The following FGF12 variants were observed in gnomAD, a reference collection of about 807,000 sequenced individuals.
FGF12 encodes the protein fibroblast growth factor 12.
In FGF12, 14 loss-of-function variants were observed where a neutral mutation model predicts 23.6. The ratio of observed to expected loss-of-function variants is 0.59; its 90% CI spans 0.39 to 0.93. The LOEUF is 0.93. Among genes scored for constraint, FGF12 ranks in the 40% least tolerant of loss-of-function variants. The probability of loss-of-function intolerance (pLI) is 0.00; values close to 1 mark genes in which losing one functional copy is unlikely to be tolerated. For missense variants in FGF12, 175 were observed against 217.8 expected (o/e 0.80, Z 1.24); for synonymous variants, 62 against 77.3 (o/e 0.80, Z 1.04).
intron 4 of FGF12, among the ~76,000 whole-genome samples, chr3:192,217,502 G>A (rs1718250805): frequency 6.6e-6 from 1 of 152,136 alleles, no homozygotes; most frequent in Admixed American, 6.5e-5. Context: ...AGAGAGCAAA[G>A]AGGAACGTAG....
chr3:192,368,755 G>A (rs900773760), intron 2 of FGF12, among the ~76,000 whole-genome samples: 3 of 151,836 alleles, frequency 2.0e-5, no homozygotes, highest in Admixed American at 6.6e-5. Flanking sequence ...CTGCTTTCAT[G>A]CTACAACAAC....
At chr3:192,618,320 C>T (rs561108708) in intron 2 of FGF12, among the ~76,000 whole-genome samples, 1 of 151,944 alleles carries the variant, frequency 6.6e-6, no homozygotes, top group South Asian at 2.1e-4. Flanking sequence ...AATTGCATTC[C>T]AAACTGGTAC....
intron 2 of FGF12, among the ~76,000 whole-genome samples, chr3:192,647,724 C>T (rs1234366146): frequency 6.9e-6 from 1 of 144,320 alleles, no homozygotes; most frequent in Admixed American, 6.9e-5. Context: ...TATATATATA[C>T]ACATATATAC....
chr3:192,163,711 C>T (rs967801626), intron 5 of FGF12, among the ~76,000 whole-genome samples: 2 of 152,144 alleles, frequency 1.3e-5, no homozygotes, highest in East Asian at 1.9e-4. Context: ...GGTTCTGGTA[C>T]TGATGTTTGG....
At chr3:192,655,745 G>T (rs1340870423) in intron 2 of FGF12, among the ~76,000 whole-genome samples, 1 of 152,130 alleles carries the variant, frequency 6.6e-6, no homozygotes, top group Admixed American at 6.5e-5. Context: ...TGGCCTAGAA[G>T]AAGAAGATGA....
At chr3:192,534,634 T>G (rs547179474) in intron 2 of FGF12, among the ~76,000 whole-genome samples, 6 of 152,214 alleles carry the variant, frequency 3.9e-5, no homozygotes, top group African/African-American at 1.4e-4. Flanking sequence ...TCAAGAGATC[T>G]CCCTGCCTTG....
At chr3:192,270,819 AGAAG>A (rs1156584767) in intron 4 of FGF12, among the ~76,000 whole-genome samples, 16 of 112,990 alleles carry the variant, frequency 1.4e-4, no homozygotes, top group Non-Finnish European at 2.6e-4. Context: ...AAGGAAGGAA[AGAAG>A]GAAGGAAGGA....
intron 2 of FGF12, among the ~76,000 whole-genome samples, chr3:192,696,367 TG>T (rs1382720166): frequency 6.6e-6 from 1 of 152,130 alleles, no homozygotes; most frequent in East Asian, 1.9e-4. Context: ...GGGCACCATG[TG>T]GGCAATGGCT....
chr3:192,236,097 C>T lies in FGF12; in HGVS notation c.229-65441G>A, dbSNP rs75922745. ...GTTTCAAAGAAATTTTTGATGTCTG[C>T]CTTAATTGCATTCTTCACACAAAAG... is the stretch of plus-strand genomic sequence containing the variant. On this transcript the variant is annotated intron_variant, in intron 4 of 5. Coordinates refer to ENST00000445105, the MANE Select transcript of FGF12 (RefSeq NM_004113.6). 5.4e-3 allele frequency among the ~76,000 whole-genome samples: 827 copies of T among 152,196 alleles called. 4 individuals carry two copies. The highest frequency in any genetic ancestry group is 0.019 in the African/African-American group (807 of 41,514).
chr3:192,162,019 A>G (rs533885718), intron 5 of FGF12, among the ~76,000 whole-genome samples: 1 of 152,292 alleles, frequency 6.6e-6, no homozygotes, highest in African/African-American at 2.4e-5. Context: ...AAGAACCTCC[A>G]TCGACTACTA....
chr3:192,656,889 T>C (rs1716448728), intron 2 of FGF12, among the ~76,000 whole-genome samples: 1 of 152,178 alleles, frequency 6.6e-6, no homozygotes, highest in African/African-American at 2.4e-5. Context: ...AAATATATAC[T>C]AATTGGCAAG....
intron 2 of FGF12, among the ~76,000 whole-genome samples, chr3:192,551,296 C>T (rs1473261147): frequency 2.0e-5 from 3 of 152,162 alleles, no homozygotes; most frequent in Non-Finnish European, 4.4e-5. Flanking sequence ...ATCAGAGTTT[C>T]GGGCTGGTAA....
At chr3:192,378,850 G>A (rs747867647) in intron 2 of FGF12, among the ~76,000 whole-genome samples, 6 of 151,834 alleles carry the variant, frequency 4.0e-5, no homozygotes, top group South Asian at 2.1e-4. Context: ...AGATTATTTC[G>A]TCACCCAGGT....
intron 2 of FGF12, among the ~76,000 whole-genome samples, chr3:192,607,846 T>TAAAAAAAAA (rs36061162): frequency 3.3e-5 from 4 of 122,064 alleles, no homozygotes; most frequent in African/African-American, 6.4e-5. Flanking sequence ...CACTGAAAAT[T>TAAAAAAAAA]AAAAAAAAAA....
intron 2 of FGF12, among the ~76,000 whole-genome samples, chr3:192,420,462 C>G (rs1035319177): frequency 6.6e-6 from 1 of 152,118 alleles, no homozygotes; most frequent in Non-Finnish European, 1.5e-5. Flanking sequence ...GAGGTGGGAC[C>G]TGGTGGGAGG....
rs745779748 is a variant in FGF12 at position 192,170,538 on chromosome 3, T to C, written c.347A>G (p.Asn116Ser). The change falls in exon 5 of 6, where the codon AAT becomes AGT. Residue 116 changes from asparagine to serine, a missense_variant. Transcript: ENST00000445105. ...ESGRAWFLGL[N>S]KEGQIMKGNR... Reference sequence around the variant, plus strand: ...CCCCTTCATAATTTGACCTTCTTTATTGAGTCCCAGAAACCAAGCTCGGCC... The same window carrying C: ...CCCCTTCATAATTTGACCTTCTTTACTGAGTCCCAGAAACCAAGCTCGGCC... 8 of 1,614,086 alleles carry C rather than the reference T, an allele frequency of 5.0e-6. No homozygotes were observed. Among genetic ancestry groups the C allele is most frequent in the East Asian group, 2.2e-5 (1 of 44,858 alleles).
At chr3:192,552,182 G>T (rs1358551276) in intron 2 of FGF12, among the ~76,000 whole-genome samples, 1 of 151,968 alleles carries the variant, frequency 6.6e-6, no homozygotes, top group Non-Finnish European at 1.5e-5. Context: ...ACAATAAAGG[G>T]TCAATGAATT....
intron 2 of FGF12, among the ~76,000 whole-genome samples, chr3:192,540,091 C>T (rs1184340020): frequency 6.6e-6 from 1 of 151,718 alleles, no homozygotes; most frequent in Non-Finnish European, 1.5e-5. Flanking sequence ...TTCTAAAAAC[C>T]AATATTTTCT....
At chr3:192,482,988 A>G in intron 2 of FGF12, among the ~76,000 whole-genome samples, 1 of 152,296 alleles carries the variant, frequency 6.6e-6, no homozygotes, top group Non-Finnish European at 1.5e-5. Flanking sequence ...ATATTTTAGA[A>G]TAGAATTTAT....
Sources: gnomAD v4.1 joint callset for allele counts (sites outside exome capture counted in the v4.1 genomes callset) on GRCh38, gnomAD v4.1.1 for gene constraint, MANE v1.5 for transcripts, NCBI Gene and HGNC (gene_info 2026-07-23, HGNC 2026-07-21) for gene names.